MMAA: variants seen among roughly 807,000 people sequenced by gnomAD.
The protein encoded by MMAA is metabolism of cobalamin associated A.
MMAA carries 41 observed loss-of-function variants against 45.0 expected under a neutral mutation model. That is an observed-to-expected ratio of 0.91 (90% CI 0.71 to 1.18). The LOEUF (loss-of-function observed/expected upper bound fraction) is 1.18, where lower values mean the gene tolerates loss of function less well. MMAA is among the 50% of genes most tolerant of loss of function. MMAA has a pLI of 0.00. For missense variants in MMAA, 460 were observed against 495.7 expected (o/e 0.93, Z 0.68); for synonymous variants, 154 against 178.2 (o/e 0.86, Z 1.08).
chr4:145,619,975 T>G (rs916861362), intron 1 of MMAA, among the ~76,000 whole-genome samples: 2 of 152,214 alleles, frequency 1.3e-5, no homozygotes, highest in South Asian at 4.1e-4. Flanking sequence ...TATGTATTTC[T>G]CATTAGAAAA....
At chr4:145,653,876 C>G in intron 5 of MMAA, 118 bp from the exon 6 acceptor site, 1 of 1,086,884 alleles carries the variant, frequency 9.2e-7, no homozygotes, top group South Asian at 1.3e-5. Context: ...TCTTGGCATC[C>G]AGGGCTTAGG....
At chr4:145,646,873 G>A (rs1401763446) in intron 4 of MMAA, among the ~76,000 whole-genome samples, 1 of 152,200 alleles carries the variant, frequency 6.6e-6, no homozygotes, top group Non-Finnish European at 1.5e-5. Flanking sequence ...TGAAGGCAGG[G>A]AATGAAGGGA....
intron 4 of MMAA, among the ~76,000 whole-genome samples, chr4:145,647,189 C>A (rs1389117014): frequency 3.3e-5 from 5 of 151,910 alleles, no homozygotes; most frequent in Non-Finnish European, 7.4e-5. Context: ...GATAAATGGG[C>A]AGGATTTTAT....
At chr4:145,624,080 A>G (rs1214029818) in intron 1 of MMAA, 9 of 888,624 alleles carry the variant, frequency 1.0e-5, no homozygotes, top group Admixed American at 3.4e-5. Context: ...CAGAAACACA[A>G]TGATTTGGCA....
rs889048711 is a variant in MMAA at position 145,639,206 on chromosome 4, T to C, written c.67T>C (p.Cys23Arg). The change falls in exon 2 of 7, where the codon TGT (cysteine) becomes CGT (arginine). Residue 23 changes from cysteine to arginine, a missense_variant. Cys to Arg is a radical substitution (Grantham distance 180). Coordinates refer to ENST00000649156, the MANE Select transcript of MMAA (RefSeq NM_172250.3). The part of the protein sequence containing the change: ...LKGLLRAPFR[C>R]YHFIFHSSTH... ...AGGCCTTTTAAGAGCACCTTTCCGA[T>C]GTTACCACTTCATCTTTCACTCAAG... is the stretch of plus-strand genomic sequence containing the variant. 9 of 1,614,076 alleles carry C rather than the reference T, an allele frequency of 5.6e-6. No individual in the cohort carries two copies. Among genetic ancestry groups the C allele is most frequent in the Middle Eastern group, 3.3e-4 (2 of 6,084 alleles).
At chr4:145,625,660 C>G in intron 1 of MMAA, 2 of 1,220,180 alleles carry the variant, frequency 1.6e-6, no homozygotes, top group Non-Finnish European at 2.4e-6. Flanking sequence ...GTCAAACTGC[C>G]CAGTCTCTCT....
intron 1 of MMAA, among the ~76,000 whole-genome samples, chr4:145,635,817 C>T (rs147471799): frequency 9.5e-4 from 145 of 152,358 alleles, no homozygotes; most frequent in African/African-American, 3.3e-3. Flanking sequence ...ATCACTGCAA[C>T]TGAAAAGACT....
intron 1 of MMAA, chr4:145,625,502 G>GCTATAT: frequency 1.4e-6 from 1 of 732,084 alleles, no homozygotes. Context: ...TCTTCTCCAG[G>GCTATAT]AAGGGCCCAA....
At chr4:145,644,002 T>A (rs778480506) in intron 3 of MMAA, among the ~76,000 whole-genome samples, 2 of 152,184 alleles carry the variant, frequency 1.3e-5, no homozygotes, top group Non-Finnish European at 2.9e-5. Context: ...ACACTATGAA[T>A]ATAAATTTCT....
chr4:145,626,768 G>A (rs938398713), intron 1 of MMAA, among the ~76,000 whole-genome samples: 1 of 152,130 alleles, frequency 6.6e-6, no homozygotes, highest in Non-Finnish European at 1.5e-5. Flanking sequence ...TTGTTGTGAG[G>A]ATTAGCTGAA....
chr4:145,647,047 T>G, intron 4 of MMAA, among the ~76,000 whole-genome samples: 1 of 151,758 alleles, frequency 6.6e-6, no homozygotes, highest in African/African-American at 2.4e-5. Flanking sequence ...GGCAGCAGAG[T>G]ATAGAATGAT....
chr4:145,624,829 A>G lies in MMAA; in HGVS notation c.-66+5422A>G, dbSNP rs1734167114. 7 of 1,608,940 alleles carry G rather than the reference A, an allele frequency of 4.4e-6. No homozygotes were observed. In the East Asian group the frequency reaches 1.1e-4, roughly 26 times the overall value. ...GCTCTGCACACCTCCTCTACCTTAC[A>G]TGGGTCCTGATGGTTCTGGACAAGC... On this transcript the variant is annotated intron_variant, in intron 1 of 6. Transcript: ENST00000649156.
intron 1 of MMAA, among the ~76,000 whole-genome samples, chr4:145,628,050 C>T (rs1734241340): frequency 1.3e-5 from 2 of 152,098 alleles, no homozygotes; most frequent in Non-Finnish European, 2.9e-5. Context: ...CTGATAGTCA[C>T]AATAACTGGT....
rs114699496 is a variant in MMAA, at chr4:145,619,459, C to T, written c.-66+52C>T. The T allele has an allele frequency of 0.075, 11,444 of 152,320 alleles. 554 individuals carry two copies. Among genetic ancestry groups the T allele is most frequent in the South Asian group, 0.15 (716 of 4,828 alleles). 9.4% of individuals were successfully genotyped at this position (152,320 alleles called of 1,614,324 possible). On this transcript the variant is annotated intron_variant, in intron 1 of 6. Coordinates refer to ENST00000649156, the MANE Select transcript of MMAA (RefSeq NM_172250.3). Reference sequence around the variant, plus strand: ...CCAGGAGTCGGGACTGGGCTCCCGCCTACGGCCGCCCTCCCGCCGGGGGGC... The same window carrying T: ...CCAGGAGTCGGGACTGGGCTCCCGCTTACGGCCGCCCTCCCGCCGGGGGGC...
At chr4:145,652,207 GAT>G (rs1728112040) in intron 5 of MMAA, among the ~76,000 whole-genome samples, 1 of 152,150 alleles carries the variant, frequency 6.6e-6, no homozygotes, top group East Asian at 1.9e-4. Flanking sequence ...CTGGCATATT[GAT>G]GTGTATCACC....
intron 1 of MMAA, among the ~76,000 whole-genome samples, chr4:145,620,109 A>G (rs547751617): frequency 6.6e-6 from 1 of 152,374 alleles, no homozygotes; most frequent in South Asian, 2.1e-4. Context: ...TAGAAAGCCA[A>G]AAGTTTCCAG....
intron 3 of MMAA, among the ~76,000 whole-genome samples, chr4:145,644,050 T>C (rs1004093960): frequency 6.6e-6 from 1 of 152,212 alleles, no homozygotes; most frequent in Non-Finnish European, 1.5e-5. Flanking sequence ...AAAAACAGCA[T>C]TACATTAAAG....
chr4:145,627,322 G>A lies in MMAA; in HGVS notation c.-66+7915G>A, dbSNP rs1035201715. On this transcript the variant is annotated intron_variant, in intron 1 of 6. Coordinates refer to ENST00000649156, the MANE Select transcript of MMAA (RefSeq NM_172250.3). ...GGAAGGTTGGTTGCATGTCAAAGGT[G>A]TCTTGATTCAAAACAGGAAACTTAG... Among the ~76,000 whole-genome samples, 3 of 152,166 alleles carry A rather than the reference G, an allele frequency of 2.0e-5. No homozygotes were observed. The highest frequency in any genetic ancestry group is 1.3e-4 in the Admixed American group (2 of 15,288).
At chr4:145,620,812 G>A (rs931740803) in intron 1 of MMAA, among the ~76,000 whole-genome samples, 3 of 151,824 alleles carry the variant, frequency 2.0e-5, no homozygotes, top group Non-Finnish European at 4.4e-5. Context: ...CATAGAGGGG[G>A]AAGGATGTAA....
Sources: gnomAD v4.1 joint callset for allele counts (sites outside exome capture counted in the v4.1 genomes callset) on GRCh38, gnomAD v4.1.1 for gene constraint, MANE v1.5 for transcripts, NCBI Gene and HGNC (gene_info 2026-07-23, HGNC 2026-07-21) for gene names.